Variants in CAPN1 observed in about 807,000 individuals in gnomAD.
The protein encoded by CAPN1 is calpain 1.
Under a neutral mutation model 105.2 loss-of-function variants are expected in CAPN1, and 77 were observed. The ratio of observed to expected loss-of-function variants is 0.73; its 90% CI spans 0.61 to 0.88. The LOEUF (loss-of-function observed/expected upper bound fraction) is 0.88. CAPN1 is among the 40% of genes least tolerant of loss of function. The pLI, the probability that CAPN1 is intolerant of heterozygous loss-of-function variation, is 0.00. For synonymous variants in CAPN1, 355 were observed against 388.8 expected (o/e 0.91, Z 1.02); for missense variants, 833 against 976.6 (o/e 0.85, Z 1.96).
rs1457436651 is a variant in CAPN1, at chr11:65,190,425, C to T, written c.1165+1679C>T. Among the ~76,000 whole-genome samples, 4 of 152,172 alleles carry T rather than the reference C, an allele frequency of 2.6e-5. No homozygotes were observed. The South Asian group carries it at 8.3e-4, about 31-fold the overall frequency. ...CCTCTGTTTTGAAGCATTCTTCTCC[C>T]TTGTAGGGATCCAATTTCAGTCTTT... On this transcript the variant is annotated intron_variant, in intron 10 of 21. Transcript: ENST00000279247.
At chr11:65,186,842 C>T (rs1948641092) in intron 6 of CAPN1, among the ~76,000 whole-genome samples, 1 of 152,244 alleles carries the variant, frequency 6.6e-6, no homozygotes, top group African/African-American at 2.4e-5. Flanking sequence ...TTCTAACTGA[C>T]TCTTCTGTCC....
rs1948650263 is a variant in CAPN1 at position 65,187,407 on chromosome 11, C to T, written c.843+109C>T. On this transcript the variant is annotated intron_variant, in intron 7 of 21. Transcript: ENST00000279247. ...GTGGAAGGTGCTGGCTCCTCCTTTC[C>T]CCTCCTGCAGCACCTTATCTCTCTT... The T allele has an allele frequency of 4.2e-6, 3 of 722,876 alleles. No homozygotes were observed. The Admixed American group carries it at 6.9e-5, about 17-fold the overall frequency. The allele number at this position is 722,876 out of a possible 1,614,324, so 44.8% of individuals were successfully genotyped here. A position where few individuals can be genotyped will look rare whatever the true frequency, so the allele number is the denominator to read the frequency against.
intron 10 of CAPN1, among the ~76,000 whole-genome samples, chr11:65,193,184 G>A (rs1948743364): frequency 6.8e-6 from 1 of 148,118 alleles, no homozygotes; most frequent in South Asian, 2.1e-4. Flanking sequence ...GTAGAGATGG[G>A]GTTTCACCAT....
rs17886339 is a variant in CAPN1, at chr11:65,195,475, A to G, written c.1165+6729A>G. ...GAACTGATGTGCTTTTTGTGCATCA[A>G]TTGAGATGATCATTTTGAGGTTTTT... On this transcript the variant is annotated intron_variant, in intron 10 of 21. Transcript: ENST00000279247. 7.0e-3 allele frequency among the ~76,000 whole-genome samples: 1,059 copies of G among 152,286 alleles called. 13 individuals carry two copies. Among genetic ancestry groups the G allele is most frequent in the African/African-American group, 0.024 (998 of 41,562 alleles).
At chr11:65,183,281 T>C in intron 3 of CAPN1, 84 bp downstream of exon 3, 2 of 1,351,736 alleles carry the variant, frequency 1.5e-6, no homozygotes, top group Non-Finnish European at 2.1e-6. Context: ...CCCCAACCCC[T>C]CCCTCTTGCA....
In CAPN1 at chr11:65,185,931, G is replaced by C; in HGVS notation, c.471G>C (p.Gly157=). 2 of 1,585,164 alleles carry C rather than the reference G, an allele frequency of 1.3e-6. No homozygotes were observed. Among genetic ancestry groups the C allele is most frequent in the East Asian group, 4.6e-5 (2 of 43,436 alleles). ...GIFHFQLWQF[G]EWVDVVVDDL... ...CTCCCCCACAGCTGTGGCAATTTGG[G>C]GAGTGGGTGGACGTGGTCGTGGATG... Residue 157 remains glycine, a synonymous_variant, in exon 5 of 22, where the codon GGG becomes GGC. Transcript: ENST00000279247.
At chr11:65,185,780 A>G (rs1948623085) in intron 4 of CAPN1, 137 bp from the exon 5 acceptor site, 1 of 869,256 alleles carries the variant, frequency 1.2e-6, no homozygotes, top group Non-Finnish European at 1.7e-6. Flanking sequence ...GTATGTATCT[A>G]ATTTACATGA....
At chr11:65,187,673 G>C (rs1948655292) in intron 7 of CAPN1, 1 of 450,288 alleles carries the variant, frequency 2.2e-6, no homozygotes, top group African/African-American at 2.0e-5. Flanking sequence ...GATCACCTGA[G>C]GTCAGGAGTT....
chr11:65,181,791 G>A (rs1225326037), upstream of CAPN1: 2 of 232,540 alleles, frequency 8.6e-6, no homozygotes, highest in African/African-American at 4.8e-5. This position sits in a 1 kb window ranked among gnomAD's most constrained non-coding sequence, Gnocchi z 4.6. Flanking sequence ...CCGTGAGTAA[G>A]AGATAGTCAG....
chr11:65,194,680 C>T (rs536791716), intron 10 of CAPN1, among the ~76,000 whole-genome samples: 1 of 152,126 alleles, frequency 6.6e-6, no homozygotes, highest in African/African-American at 2.4e-5. Flanking sequence ...TGTTTTCAAG[C>T]TTCATTTATG....
Position 65,209,481 on chromosome 11 carries a change from CAG to C in CAPN1, c.1794+97_1794+98del. On this transcript the variant is annotated intron_variant, in intron 17 of 21. Transcript: ENST00000279247. This position sits in a 1 kb window ranked among gnomAD's most constrained non-coding sequence, Gnocchi z 4.1. ...TCCCAGGACAGCACAGAGAACAGGACAGAGCCATGCGGAGTGTGGACACACAG... is the reference window on the plus strand; with the variant it reads ...TCCCAGGACAGCACAGAGAACAGGACAGCCATGCGGAGTGTGGACACACAG... 9.3e-7 allele frequency: 1 copy of C among 1,072,022 alleles called. No homozygotes were observed. Among genetic ancestry groups the C allele is most frequent in the Non-Finnish European group, 1.4e-6 (1 of 706,520 alleles). 66.4% of individuals were successfully genotyped at this position (1,072,022 alleles called of 1,614,324 possible).
chr11:65,208,439 C>T lies in CAPN1; in HGVS notation c.1729+177C>T. 1 of 663,190 alleles carries T rather than the reference C, an allele frequency of 1.5e-6. No homozygotes were observed. Among genetic ancestry groups the T allele is most frequent in the Admixed American group, 2.3e-5 (1 of 44,396 alleles). 41.1% of individuals were successfully genotyped at this position (663,190 alleles called of 1,614,324 possible). A position where few individuals can be genotyped will look rare whatever the true frequency, so the allele number is the denominator to read the frequency against. ...ATCCCATACTCCTCCTCCTGACCTG[C>T]CATCCTGATAATCCCTGTGCTCGGG... is the stretch of plus-strand genomic sequence containing the variant. On this transcript the variant is annotated intron_variant, in intron 16 of 21. Coordinates refer to ENST00000279247, the MANE Select transcript of CAPN1 (RefSeq NM_005186.4). The surrounding 1 kb of genome is among the most constrained non-coding windows in gnomAD (Gnocchi z 4.1).
At chr11:65,202,891 C>G (rs1210960936) in intron 10 of CAPN1, among the ~76,000 whole-genome samples, 2 of 152,172 alleles carry the variant, frequency 1.3e-5, no homozygotes, top group African/African-American at 4.8e-5. Flanking sequence ...CCATGACTCC[C>G]CAGCCCTCCC....
chr11:65,204,663 G>A lies in CAPN1; in HGVS notation c.1166-20G>A, dbSNP rs1424088741. The A allele has an allele frequency of 2.1e-5, 34 of 1,600,214 alleles. No individual in the cohort carries two copies. The highest frequency in any genetic ancestry group is 2.7e-5 in the Non-Finnish European group (32 of 1,169,442). On this transcript the variant is annotated intron_variant, in intron 10 of 21. Transcript: ENST00000279247. ...CTGCCCCGCCCTGCCTCTGATCCCC[G>A]CCTCCTCACCTGCCCGCAGCCACCT...
At chr11:65,183,020 G>T (rs1948567812) in intron 2 of CAPN1, 52 bp downstream of exon 2, 2 of 1,611,018 alleles carry the variant, frequency 1.2e-6, no homozygotes, top group African/African-American at 2.7e-5. Context: ...CCTGGATGAG[G>T]AGTAGGGATG....
rs755198244 is a variant in CAPN1 at position 65,206,537 on chromosome 11, G to A, written c.1428G>A (p.Gln476=). The A allele has an allele frequency of 1.2e-6, 2 of 1,613,490 alleles. No individual in the cohort carries two copies. Among genetic ancestry groups the A allele is most frequent in the Non-Finnish European group, 1.7e-6 (2 of 1,179,888 alleles). The change falls in exon 13 of 22, where the codon CAG becomes CAA. Residue 476 remains glutamine, a synonymous_variant. Coordinates refer to ENST00000279247, the MANE Select transcript of CAPN1 (RefSeq NM_005186.4). The stretch of plus-strand genomic sequence containing the variant: ...ATGCGTCTCGGGCGCGCTCAGAGCA[G>A]TTCATCAACCTGCGAGAGGTCAGCA... ...LANASRARSE[Q]FINLREVSTR...
At chr11:65,190,692 T>C (rs1948706068) in intron 10 of CAPN1, among the ~76,000 whole-genome samples, 1 of 151,568 alleles carries the variant, frequency 6.6e-6, no homozygotes, top group African/African-American at 2.4e-5. Context: ...TAGCTGTTTT[T>C]TTTGTTGTTG....
At chr11:65,199,191 C>T (rs1948833432) in intron 10 of CAPN1, among the ~76,000 whole-genome samples, 1 of 152,080 alleles carries the variant, frequency 6.6e-6, no homozygotes, top group South Asian at 2.1e-4. Context: ...TAAACTTTCT[C>T]AGTGTTTGTC....
intron 1 of CAPN1, 137 bp from the exon 2 acceptor site, chr11:65,182,564 T>G (rs1291160430): frequency 1.1e-6 from 1 of 892,856 alleles, no homozygotes; most frequent in Non-Finnish European, 1.6e-6. Context: ...CCTACTTCTG[T>G]GAGGGGAGCA....
Sources: allele counts gnomAD v4.1 joint callset (sites outside exome capture counted in the v4.1 genomes callset), GRCh38; gene constraint gnomAD v4.1.1; non-coding constraint Gnocchi (gnomAD v3.1); transcripts MANE v1.5; gene names NCBI Gene and HGNC (gene_info 2026-07-23, HGNC 2026-07-21).